The following GREB1L variants were observed in gnomAD, a reference collection of about 807,000 sequenced individuals.
The protein encoded by GREB1L is GREB1-like protein.
Under a neutral mutation model 200.8 loss-of-function variants are expected in GREB1L, and 17 were observed. The observed-to-expected ratio is 0.08, with a 90% confidence interval of 0.06 to 0.13. GREB1L has a LOEUF of 0.13. Ranked by LOEUF, GREB1L falls within the 10% of genes least tolerant of loss-of-function variation. The pLI is 1.00. For synonymous variants in GREB1L, 789 were observed against 893.0 expected (o/e 0.88, Z 2.08); for missense variants, 1,657 against 2,367.7 (o/e 0.70, Z 6.23).
At chr18:21,326,873 C>G (rs2039030677) in intron 1 of GREB1L, among the ~76,000 whole-genome samples, 1 of 152,162 alleles carries the variant, frequency 6.6e-6, no homozygotes, top group Non-Finnish European at 1.5e-5. Flanking sequence ...TAAACTTGCT[C>G]TCATTTCCCA....
At chr18:21,468,238 G>A (rs548993702) in intron 15 of GREB1L, among the ~76,000 whole-genome samples, 85 of 152,246 alleles carry the variant, frequency 5.6e-4, no homozygotes, top group African/African-American at 2.0e-3. Context: ...ATACTACAAC[G>A]TGGATGAAAC....
At chr18:21,427,359 G>T (rs1161808254) in intron 7 of GREB1L, among the ~76,000 whole-genome samples, 4 of 152,030 alleles carry the variant, frequency 2.6e-5, no homozygotes, top group Admixed American at 2.6e-4. Flanking sequence ...CAAAAAATTA[G>T]CCGGGCATGG....
At chr18:21,264,077 A>C (rs552087507) in intron 1 of GREB1L, among the ~76,000 whole-genome samples, 3 of 152,326 alleles carry the variant, frequency 2.0e-5, no homozygotes, top group Admixed American at 6.5e-5. Context: ...GCATCTGATC[A>C]AAATAAACTG....
intron 15 of GREB1L, among the ~76,000 whole-genome samples, chr18:21,471,620 C>CTTTTTTTT (rs77038675): frequency 1.4e-5 from 2 of 142,348 alleles, no homozygotes; most frequent in African/African-American, 2.9e-5. Flanking sequence ...TCTTTTGTTT[C>CTTTTTTTT]TTTTTTTTTT....
chr18:21,284,604 C>G (rs2038323908), intron 1 of GREB1L, among the ~76,000 whole-genome samples: 1 of 152,130 alleles, frequency 6.6e-6, no homozygotes, highest in African/African-American at 2.4e-5. Flanking sequence ...CTTTTTTGGA[C>G]TATAATAAAT....
chr18:21,387,049 TG>T (rs1332437576), intron 4 of GREB1L, among the ~76,000 whole-genome samples: 16 of 152,226 alleles, frequency 1.1e-4, no homozygotes, highest in African/African-American at 3.9e-4. Context: ...GATGGGCTGC[TG>T]GGGTTTACCA....
intron 17 of GREB1L, among the ~76,000 whole-genome samples, chr18:21,482,431 A>G (rs1598907672): frequency 6.6e-6 from 1 of 151,968 alleles, no homozygotes; most frequent in East Asian, 1.9e-4. Context: ...CTAATTTTTT[A>G]TATTTTCAAT....
intron 1 of GREB1L, among the ~76,000 whole-genome samples, chr18:21,336,529 G>A (rs192407451): frequency 6.6e-6 from 1 of 152,136 alleles, no homozygotes; most frequent in Non-Finnish European, 1.5e-5. Context: ...CCAGCTGCCC[G>A]CATACCTATT....
chr18:21,499,996 G>A lies in GREB1L; in HGVS notation c.3659G>A (p.Gly1220Asp). The A allele has an allele frequency of 6.4e-7, 1 of 1,551,480 alleles. No homozygotes were observed. The highest frequency in any genetic ancestry group is 8.7e-7 in the Non-Finnish European group (1 of 1,146,996). Residue 1220 changes from glycine (G) to aspartate (D), a missense_variant, in exon 22 of 33, where the codon GGC becomes GAC. Transcript: ENST00000424526. ...TLPWPGQPIRGCRGPQAALPP... is the reference protein window; with the variant it reads ...TLPWPGQPIRDCRGPQAALPP... ...CCATGGCCGGGACAGCCCATCAGAG[G>A]CTGCCGGGGCCCACAGGCAGCCCTG...
At chr18:21,292,514 T>C (rs2038466016) in intron 1 of GREB1L, among the ~76,000 whole-genome samples, 1 of 152,240 alleles carries the variant, frequency 6.6e-6, no homozygotes, top group Non-Finnish European at 1.5e-5. Flanking sequence ...AGCTATCGCT[T>C]CTCACTCCTG....
chr18:21,445,148 T>A (rs1171061556), intron 11 of GREB1L, among the ~76,000 whole-genome samples: 1 of 152,260 alleles, frequency 6.6e-6, no homozygotes, highest in Non-Finnish European at 1.5e-5. Context: ...ACACTCACTC[T>A]ATCACTTCAA....
intron 7 of GREB1L, among the ~76,000 whole-genome samples, chr18:21,436,113 A>G (rs1398382657): frequency 2.0e-5 from 3 of 152,184 alleles, no homozygotes; most frequent in Admixed American, 1.3e-4. Context: ...AGACAGGGAT[A>G]CAGAAGGAGG....
intron 1 of GREB1L, among the ~76,000 whole-genome samples, chr18:21,361,421 A>G (rs962648098): frequency 2.6e-4 from 39 of 152,140 alleles, no homozygotes; most frequent in African/African-American, 8.5e-4. Flanking sequence ...AATTGTTTCT[A>G]AGGTATTGCA....
At chr18:21,461,658 G>A (rs757712137) in intron 15 of GREB1L, among the ~76,000 whole-genome samples, 12 of 152,132 alleles carry the variant, frequency 7.9e-5, no homozygotes, top group East Asian at 1.9e-4. Flanking sequence ...GTGTGTGTGC[G>A]TGGTGCTCAT....
At chr18:21,391,419 C>CACG (rs1318673131) in intron 4 of GREB1L, among the ~76,000 whole-genome samples, 1 of 152,208 alleles carries the variant, frequency 6.6e-6, no homozygotes, top group Non-Finnish European at 1.5e-5. Flanking sequence ...TGTGAAAGTA[C>CACG]ACTCTATGAT....
intron 7 of GREB1L, among the ~76,000 whole-genome samples, chr18:21,438,477 C>T (rs1233211633): frequency 6.6e-6 from 1 of 151,570 alleles, no homozygotes; most frequent in East Asian, 1.9e-4. Context: ...CCAGTCTGGA[C>T]AACATAGCAA....
At chr18:21,457,278 A>C (rs2034812051) in intron 15 of GREB1L, among the ~76,000 whole-genome samples, 1 of 152,236 alleles carries the variant, frequency 6.6e-6, no homozygotes, top group Non-Finnish European at 1.5e-5. Context: ...AATCCAGAAA[A>C]AAAAAAATCA....
At chr18:21,412,788 G>T (rs1033544657) in intron 7 of GREB1L, among the ~76,000 whole-genome samples, 3 of 151,936 alleles carry the variant, frequency 2.0e-5, no homozygotes, top group Admixed American at 1.3e-4. Flanking sequence ...AATGTTTTGT[G>T]CACTCTTCTG....
chr18:21,499,773 A>G lies in GREB1L; in HGVS notation c.3436A>G (p.Lys1146Glu). Residue 1146 changes from lysine to glutamate, a missense_variant, in exon 22 of 33, where the codon AAG becomes GAG. Physicochemically the swap from Lys to Glu is moderately conservative, Grantham distance 56. Transcript: ENST00000424526. ...AGTGAGCTCTTCCAGCACAGCTGAC[A>G]AGTCCCAGAAGCAGTCCCTGACCCC... ...NGVSSSSTAD[K>E]SQKQSLTPSF... 4.5e-6 allele frequency: 7 copies of G among 1,552,040 alleles called. No individual in the cohort carries two copies. The highest frequency in any genetic ancestry group is 6.1e-6 in the Non-Finnish European group (7 of 1,147,046).
Sources: allele counts gnomAD v4.1 joint callset (sites outside exome capture counted in the v4.1 genomes callset), GRCh38; gene constraint gnomAD v4.1.1; transcripts MANE v1.5; gene names NCBI Gene and HGNC (gene_info 2026-07-23, HGNC 2026-07-21).